PACS1: variants seen among roughly 807,000 people sequenced by gnomAD.
PACS1 encodes phosphofurin acidic cluster sorting protein 1, also known as PACS-1.
Under a neutral mutation model 115.0 loss-of-function variants are expected in PACS1, and 24 were observed. That is an observed-to-expected ratio of 0.21 (90% CI 0.15 to 0.29). The LOEUF (loss-of-function observed/expected upper bound fraction) is 0.29. Ranked by LOEUF, PACS1 falls within the 10% of genes least tolerant of loss-of-function variation. The pLI is 1.00. For synonymous variants in PACS1, 453 were observed against 504.5 expected, an observed-to-expected ratio of 0.90 and a Z score of 1.37; for missense variants, 838 against 1,251.2, an observed-to-expected ratio of 0.67 and a Z score of 4.98.
At chr11:66,200,659 T>C (rs1006592768) in intron 2 of PACS1, among the ~76,000 whole-genome samples, 1 of 152,034 alleles carries the variant, frequency 6.6e-6, no homozygotes, top group African/African-American at 2.4e-5. Flanking sequence ...AAAGCAAATA[T>C]TACTAGAGCT....
chr11:66,145,694 C>A (rs1001045388), intron 1 of PACS1, among the ~76,000 whole-genome samples: 1 of 152,072 alleles, frequency 6.6e-6, no homozygotes, highest in African/African-American at 2.4e-5. Context: ...AGGGCTGATC[C>A]GAAAGGAAAA....
At chr11:66,215,056 C>T (rs1565150188) in intron 4 of PACS1, among the ~76,000 whole-genome samples, 1 of 152,088 alleles carries the variant, frequency 6.6e-6, no homozygotes, top group Non-Finnish European at 1.5e-5. Context: ...CCTCAGCCTC[C>T]TGAGTAGCTG....
At chr11:66,179,335 G>A (rs1859947058) in intron 1 of PACS1, among the ~76,000 whole-genome samples, 1 of 152,136 alleles carries the variant, frequency 6.6e-6, no homozygotes, top group African/African-American at 2.4e-5. Context: ...GGGTCAAATG[G>A]ACTGTTCCCA....
intron 1 of PACS1, among the ~76,000 whole-genome samples, chr11:66,074,669 G>A (rs2134492189): frequency 6.6e-6 from 1 of 152,286 alleles, no homozygotes; most frequent in South Asian, 2.1e-4. Context: ...GCAGTTATCA[G>A]TCACTTTTCT....
chr11:66,154,988 A>T (rs538851377), intron 1 of PACS1, among the ~76,000 whole-genome samples: 1 of 152,228 alleles, frequency 6.6e-6, no homozygotes, highest in African/African-American at 2.4e-5. Flanking sequence ...TCCACACGTA[A>T]ATAGACAATT....
chr11:66,080,421 T>G (rs1000595061), intron 1 of PACS1, among the ~76,000 whole-genome samples: 17 of 151,568 alleles, frequency 1.1e-4, no homozygotes, highest in Non-Finnish European at 1.9e-4. Context: ...GAACTGAGTG[T>G]GGGGGGAAAG....
intron 4 of PACS1, among the ~76,000 whole-genome samples, chr11:66,212,053 T>G (rs1344257396): frequency 6.6e-6 from 1 of 152,172 alleles, no homozygotes; most frequent in African/African-American, 2.4e-5. Flanking sequence ...ACAGAAGTGC[T>G]CTGTTCTCAG....
intron 1 of PACS1, among the ~76,000 whole-genome samples, chr11:66,131,926 A>T (rs1039228932): frequency 6.6e-6 from 1 of 152,008 alleles, no homozygotes; most frequent in Non-Finnish European, 1.5e-5. Context: ...CAAACTTAGC[A>T]TTGCTAAAAC....
At chr11:66,133,315 T>TTGCA (rs1461652229) in intron 1 of PACS1, among the ~76,000 whole-genome samples, 1 of 152,204 alleles carries the variant, frequency 6.6e-6, no homozygotes, top group East Asian at 1.9e-4. Context: ...GATAGAGCAC[T>TTGCA]AGGTCTGGCT....
At chr11:66,122,632 G>A (rs1858470979) in intron 1 of PACS1, among the ~76,000 whole-genome samples, 2 of 152,176 alleles carry the variant, frequency 1.3e-5, no homozygotes, top group African/African-American at 4.8e-5. Context: ...AGTCGATTTC[G>A]ACTCATGGAT....
chr11:66,225,063 G>A (rs764687939), intron 10 of PACS1, among the ~76,000 whole-genome samples: 22 of 152,290 alleles, frequency 1.4e-4, no homozygotes, highest in Admixed American at 5.2e-4. Flanking sequence ...CTGACAGTGC[G>A]TCAGGGCAGC....
intron 1 of PACS1, chr11:66,100,711 G>A: frequency 4.5e-6 from 2 of 442,032 alleles, no homozygotes; most frequent in Non-Finnish European, 4.6e-6. Context: ...GAGGTGGGCT[G>A]GTTCAAAGTT....
chr11:66,231,177 C>T (rs1351337107), intron 13 of PACS1, among the ~76,000 whole-genome samples: 6 of 152,260 alleles, frequency 3.9e-5, no homozygotes, highest in South Asian at 2.1e-4. Flanking sequence ...GAGCCAAAAA[C>T]GCTGTGTGGT....
chr11:66,138,743 C>T (rs1302784284), intron 1 of PACS1, among the ~76,000 whole-genome samples: 2 of 151,068 alleles, frequency 1.3e-5, no homozygotes, highest in Non-Finnish European at 2.9e-5. Flanking sequence ...AGTGCAGTGG[C>T]GCGATCTTGG....
At chr11:66,152,505 A>G (rs1329728062) in intron 1 of PACS1, among the ~76,000 whole-genome samples, 2 of 152,246 alleles carry the variant, frequency 1.3e-5, no homozygotes, top group African/African-American at 2.4e-5. Flanking sequence ...GGTAGAAAAC[A>G]CTATAGATTC....
At chr11:66,144,739 T>A (rs184120629) in intron 1 of PACS1, among the ~76,000 whole-genome samples, 14 of 152,338 alleles carry the variant, frequency 9.2e-5, no homozygotes, top group Admixed American at 8.5e-4. Flanking sequence ...GTTCAAGCAA[T>A]TCTCTTGCCT....
intron 10 of PACS1, among the ~76,000 whole-genome samples, chr11:66,225,054 T>C (rs1024425643): frequency 6.6e-6 from 1 of 152,346 alleles, no homozygotes; most frequent in East Asian, 1.9e-4. Flanking sequence ...CAATGAGCCC[T>C]GACAGTGCGT....
chr11:66,224,435 A>T (rs1001868464), intron 10 of PACS1, among the ~76,000 whole-genome samples: 3 of 152,230 alleles, frequency 2.0e-5, no homozygotes, highest in Non-Finnish European at 4.4e-5. Context: ...GAACAGGATC[A>T]TGCACATCAG....
chr11:66,131,918 A>T (rs1590765722), intron 1 of PACS1, among the ~76,000 whole-genome samples: 1 of 152,090 alleles, frequency 6.6e-6, no homozygotes, highest in Non-Finnish European at 1.5e-5. Context: ...AGATATCTCA[A>T]ACTTAGCATT....
Sources: gnomAD v4.1 joint callset for allele counts (sites outside exome capture counted in the v4.1 genomes callset) on GRCh38, gnomAD v4.1.1 for gene constraint, MANE v1.5 for transcripts, NCBI Gene and HGNC (gene_info 2026-07-23, HGNC 2026-07-21) for gene names.